IPO5: variants seen among roughly 807,000 people sequenced by gnomAD.
The protein encoded by IPO5 is importin 5, also known as importin-5.
A neutral mutation model predicts 143.3 loss-of-function variants in IPO5; 18 were observed. The observed-to-expected ratio is 0.13, with a 90% confidence interval of 0.09 to 0.19. The LOEUF (loss-of-function observed/expected upper bound fraction) is 0.19, where lower values mean the gene tolerates loss of function less well. IPO5 is among the 10% of genes least tolerant of loss of function. The pLI is 1.00. For synonymous variants in IPO5, 477 were observed against 465.7 expected, an observed-to-expected ratio of 1.02 and a Z score of -0.31; for missense variants, 1,013 against 1,336.9, an observed-to-expected ratio of 0.76 and a Z score of 3.78.
At chr13:97,980,788 C>T (rs991867521) in intron 4 of IPO5, among the ~76,000 whole-genome samples, 1 of 149,174 alleles carries the variant, frequency 6.7e-6, no homozygotes, top group Non-Finnish European at 1.5e-5. Flanking sequence ...GATCGCACCA[C>T]TGCGCTCTAG....
chr13:97,999,964 C>G (rs1419655098), intron 12 of IPO5, among the ~76,000 whole-genome samples: 3 of 152,052 alleles, frequency 2.0e-5, no homozygotes, highest in Non-Finnish European at 4.4e-5. Flanking sequence ...CAGTTTTTAG[C>G]CAGTAGCGGG....
intron 6 of IPO5, among the ~76,000 whole-genome samples, chr13:97,986,385 C>T (rs1887349560): frequency 6.7e-6 from 1 of 149,918 alleles, no homozygotes; most frequent in Non-Finnish European, 1.5e-5. Context: ...GACGGAGTTT[C>T]GCTCTTATTG....
intron 2 of IPO5, among the ~76,000 whole-genome samples, chr13:97,959,161 G>C (rs1264685792): frequency 5.3e-5 from 8 of 150,066 alleles, no homozygotes; most frequent in Admixed American, 2.0e-4. Context: ...GACACAGCAA[G>C]ACTGTGTCTC....
chr13:97,990,469 A>T lies in IPO5; in HGVS notation c.601A>T (p.Ile201Leu), dbSNP rs1365937601. 4 of 1,605,676 alleles carry T rather than the reference A, an allele frequency of 2.5e-6. No individual in the cohort carries two copies. Among genetic ancestry groups the T allele is most frequent in the Non-Finnish European group, 3.4e-6 (4 of 1,178,088 alleles). The change falls in exon 9 of 29, where the codon ATA becomes TTA. Residue 201 changes from isoleucine (I) to leucine (L), a missense_variant. Physicochemically the swap from Ile to Leu is conservative, Grantham distance 5 (BLOSUM62 2). Transcript: ENST00000651721. Reference sequence around the variant, plus strand: ...ATCTGCTAGAGCTACAGCTGCATTTATACTTGCAAATGAGCATAATGTTGC... The same window carrying T: ...ATCTGCTAGAGCTACAGCTGCATTTTTACTTGCAAATGAGCATAATGTTGC... Reference protein sequence around the residue: ...TLSARATAAFILANEHNVALF... With the variant: ...TLSARATAAFLLANEHNVALF...
At chr13:97,980,043 A>T (rs1886710708) in intron 4 of IPO5, 1 of 435,008 alleles carries the variant, frequency 2.3e-6, no homozygotes, top group South Asian at 1.6e-5. Flanking sequence ...TGCATTGTGT[A>T]AATTGTATAA....
chr13:98,003,159 T>C, intron 16 of IPO5, 122 bp downstream of exon 16: 2 of 765,526 alleles, frequency 2.6e-6, no homozygotes, highest in East Asian at 2.5e-5. Flanking sequence ...GTACAAAAAC[T>C]GAGGAGGCTA....
chr13:98,003,153 A>C, intron 16 of IPO5, 116 bp downstream of exon 16: 1 of 806,626 alleles, frequency 1.2e-6, no homozygotes. Context: ...TATAAAGTAC[A>C]AAAACTGAGG....
chr13:97,970,755 T>C (rs1236242041), intron 3 of IPO5, among the ~76,000 whole-genome samples: 1 of 152,268 alleles, frequency 6.6e-6, no homozygotes, highest in Non-Finnish European at 1.5e-5. Context: ...TTAATAGCTC[T>C]GTGATAATCA....
At chr13:97,969,626 A>G in intron 2 of IPO5, 97 bp from the exon 3 acceptor site, 1 of 658,956 alleles carries the variant, frequency 1.5e-6, no homozygotes. Context: ...TTAACTGATA[A>G]GGATTTATTC....
intron 7 of IPO5, 48 bp from the exon 8 acceptor site, chr13:97,990,078 G>T (rs772631020): frequency 9.1e-7 from 1 of 1,102,996 alleles, no homozygotes; most frequent in Non-Finnish European, 1.4e-6. Flanking sequence ...ACTTTACCAA[G>T]ATATTAATAT....
chr13:98,013,957 G>T (rs1889913554), intron 21 of IPO5, 85 bp from the exon 22 acceptor site: 2 of 1,144,612 alleles, frequency 1.7e-6, no homozygotes, highest in Admixed American at 4.7e-5. Flanking sequence ...AACAGAAGTT[G>T]CCTAGCACTC....
intron 14 of IPO5, 46 bp downstream of exon 14, chr13:98,002,637 A>G: frequency 6.2e-7 from 1 of 1,608,450 alleles, no homozygotes; most frequent in Non-Finnish European, 8.5e-7. Context: ...GTGTAGCTTC[A>G]TGTGGAAACC....
Position 98,019,644 on chromosome 13 carries a change from A to G in IPO5, c.2900A>G (p.Asn967Ser), listed in dbSNP as rs1474924683. ...GATTCTAAGACCAAAGAAAATGTCA[A>G]TGCTACAGAGAACTGCATCTCAGCA... Reference protein sequence around the residue: ...SADSKTKENVNATENCISAVG... With the variant: ...SADSKTKENVSATENCISAVG... Residue 967 changes from asparagine (N) to serine (S), a missense_variant, in exon 27 of 29, where the codon AAT becomes AGT. Physicochemically the swap from Asn to Ser is conservative, Grantham distance 46. Transcript: ENST00000651721. 45 of 1,614,074 alleles carry G rather than the reference A, an allele frequency of 2.8e-5. No individual in the cohort carries two copies. Among genetic ancestry groups the G allele is most frequent in the South Asian group, 8.8e-5 (8 of 91,088 alleles).
chr13:97,975,218 C>A (rs1886168487), intron 3 of IPO5, among the ~76,000 whole-genome samples: 1 of 128,542 alleles, frequency 7.8e-6, no homozygotes, highest in Non-Finnish European at 1.6e-5. Context: ...TGCCTGTAAT[C>A]CTAGCACTTT....
At chr13:97,975,931 G>T (rs1057055210) in intron 3 of IPO5, 10 of 985,560 alleles carry the variant, frequency 1.0e-5, no homozygotes, top group Non-Finnish European at 1.2e-5. Flanking sequence ...GGGAGGAAGG[G>T]GCGCCCTGAG....
chr13:98,000,715 G>A, intron 13 of IPO5, 70 bp downstream of exon 13: 1 of 937,094 alleles, frequency 1.1e-6, no homozygotes, highest in Non-Finnish European at 1.7e-6. Context: ...TCTAAGATAT[G>A]TTTAGACTGT....
rs545393193 is a variant in IPO5, at chr13:97,958,899, C to T, written c.-113+4701C>T. Among the ~76,000 whole-genome samples, 462 of 152,014 alleles carry T rather than the reference C, an allele frequency of 3.0e-3. 2 individuals are homozygous for T. The highest frequency in any genetic ancestry group is 0.011 in the African/African-American group (443 of 41,480). On this transcript the variant is annotated intron_variant, in intron 2 of 28. Transcript: ENST00000651721. ...AAGTCACACTACAAGAGGCAGGACA[C>T]GGTGGCTCACACCTGTAACCCCAGC...
At chr13:97,978,367 TTTA>T (rs1886563596) in intron 4 of IPO5, among the ~76,000 whole-genome samples, 1 of 152,222 alleles carries the variant, frequency 6.6e-6, no homozygotes, top group South Asian at 2.1e-4. Flanking sequence ...TGGATAGATA[TTTA>T]TATAAGCAAC....
chr13:97,983,167 A>C (rs1887000884), intron 5 of IPO5, among the ~76,000 whole-genome samples: 1 of 152,238 alleles, frequency 6.6e-6, no homozygotes, highest in Admixed American at 6.5e-5. Flanking sequence ...CGCCACGCCC[A>C]GCCTAATTTA....
Sources: allele counts gnomAD v4.1 joint callset (sites outside exome capture counted in the v4.1 genomes callset), GRCh38; gene constraint gnomAD v4.1.1; transcripts MANE v1.5; gene names NCBI Gene and HGNC (gene_info 2026-07-23, HGNC 2026-07-21).